The following ADGRL2 variants were observed in gnomAD, a reference collection of about 807,000 sequenced individuals.
ADGRL2 encodes calcium-independent alpha-latrotoxin receptor 2.
A neutral mutation model predicts 157.4 loss-of-function variants in ADGRL2; 44 were observed. The observed-to-expected ratio is 0.28, with a 90% confidence interval of 0.22 to 0.36. The LOEUF is 0.36. Among genes scored for constraint, ADGRL2 ranks in the 10% least tolerant of loss-of-function variants. The probability of loss-of-function intolerance (pLI) is 1.00; values close to 1 mark genes in which losing one functional copy is unlikely to be tolerated. For synonymous variants in ADGRL2, 585 were observed against 624.7 expected (o/e 0.94, Z 0.95); for missense variants, 1,510 against 1,768.9 (o/e 0.85, Z 2.63).
intron 2 of ADGRL2, among the ~76,000 whole-genome samples, chr1:81,460,210 A>G (rs2077897421): frequency 6.6e-6 from 1 of 151,404 alleles, no homozygotes; most frequent in Admixed American, 6.6e-5. Context: ...ATGTCCTCCC[A>G]TTTGCCTATT....
At chr1:81,678,184 TCTCTA>T (rs1026082243) in intron 3 of ADGRL2, among the ~76,000 whole-genome samples, 40 of 152,310 alleles carry the variant, frequency 2.6e-4, no homozygotes, top group African/African-American at 9.1e-4. Flanking sequence ...TACATGTCTG[TCTCTA>T]CTCTGATCTC....
chr1:81,348,180 C>T (rs571465591), intron 1 of ADGRL2, among the ~76,000 whole-genome samples: 5 of 152,166 alleles, frequency 3.3e-5, no homozygotes, highest in African/African-American at 1.2e-4. Flanking sequence ...AGCATCACAT[C>T]GAAGAGGATT....
At chr1:81,581,874 GCACACA>G (rs869309464) in intron 3 of ADGRL2, among the ~76,000 whole-genome samples, 7,896 of 83,494 alleles carry the variant, frequency 0.095, 290 homozygotes, top group African/African-American at 0.12. Context: ...ACACATGCGC[GCACACA>G]CACACACACA....
chr1:81,664,255 A>T (rs2082712344), intron 3 of ADGRL2, among the ~76,000 whole-genome samples: 1 of 152,186 alleles, frequency 6.6e-6, no homozygotes, highest in Admixed American at 6.6e-5. Flanking sequence ...CATACATCTC[A>T]GACATCTAGA....
At chr1:81,510,300 A>T (rs930600465) in intron 2 of ADGRL2, among the ~76,000 whole-genome samples, 33 of 152,226 alleles carry the variant, frequency 2.2e-4, no homozygotes, top group Admixed American at 3.9e-4. Context: ...CAAATTTGAC[A>T]GGAACATGCA....
intron 2 of ADGRL2, among the ~76,000 whole-genome samples, chr1:81,869,963 C>T (rs2093649626): frequency 6.6e-6 from 1 of 151,850 alleles, no homozygotes; most frequent in Non-Finnish European, 1.5e-5. Flanking sequence ...AACAGTAGTG[C>T]TATATATCAT....
intron 2 of ADGRL2, among the ~76,000 whole-genome samples, chr1:81,533,557 A>T (rs1230380473): frequency 6.6e-6 from 1 of 152,198 alleles, no homozygotes; most frequent in African/African-American, 2.4e-5. Flanking sequence ...TAAAGTCTGC[A>T]GGCTTCTTTT....
chr1:81,531,395 T>A (rs2079595756), intron 2 of ADGRL2, among the ~76,000 whole-genome samples: 2 of 152,210 alleles, frequency 1.3e-5, no homozygotes, highest in Non-Finnish European at 2.9e-5. Flanking sequence ...ATTCTGAGAA[T>A]TAGAAGTTTC....
At chr1:81,644,554 C>T (rs571358177) in intron 3 of ADGRL2, among the ~76,000 whole-genome samples, 1 of 152,150 alleles carries the variant, frequency 6.6e-6, no homozygotes, top group Admixed American at 6.5e-5. Context: ...AAAAATGGGC[C>T]AAAGACCTTA....
chr1:81,589,375 G>A (rs2081088115), intron 3 of ADGRL2, among the ~76,000 whole-genome samples: 1 of 152,134 alleles, frequency 6.6e-6, no homozygotes, highest in South Asian at 2.1e-4. Flanking sequence ...CCTGGGACAA[G>A]ATCATGACTC....
intron 2 of ADGRL2, chr1:81,557,494 A>AAGG (rs2080327737): frequency 1.3e-5 from 1 of 75,820 alleles, no homozygotes; most frequent in African/African-American, 7.2e-5. Context: ...AGAAAGAAAG[A>AAGG]AAGAAAGAAA....
At chr1:81,989,256 G>A (rs1664061926) in intron 23 of ADGRL2, among the ~76,000 whole-genome samples, 1 of 152,128 alleles carries the variant, frequency 6.6e-6, no homozygotes, top group African/African-American at 2.4e-5. Context: ...AGCCAAGGCT[G>A]CCACCCTTCT....
At chr1:81,863,626 A>G (rs1045362372) in intron 2 of ADGRL2, among the ~76,000 whole-genome samples, 1 of 152,144 alleles carries the variant, frequency 6.6e-6, no homozygotes, top group Non-Finnish European at 1.5e-5. Flanking sequence ...TCTTGCTGCT[A>G]TTTAAATTTG....
intron 3 of ADGRL2, among the ~76,000 whole-genome samples, chr1:81,624,184 C>T (rs902580815): frequency 1.3e-5 from 2 of 152,142 alleles, no homozygotes; most frequent in African/African-American, 4.8e-5. Flanking sequence ...TGAGAGAATA[C>T]ATTTCTGTTG....
chr1:81,932,133 T>C (rs2095242341), intron 3 of ADGRL2, among the ~76,000 whole-genome samples: 2 of 152,228 alleles, frequency 1.3e-5, no homozygotes, highest in Admixed American at 6.5e-5. Flanking sequence ...ATTTTTCTGT[T>C]ATTTTTAATG....
At position 81,527,573 on chromosome 1, in the gene ADGRL2, G is replaced by A. The variant is rs539210650; in HGVS notation, c.-247-53303G>A. On this transcript the variant is annotated intron_variant, in intron 2 of 24. Coordinates refer to the ADGRL2 transcript ENST00000370721. ...CTAAAAATACAAAAATTAGCTGGGC[G>A]TGGTGGCAGTCGCCTGTAATCCCAG... Among the ~76,000 whole-genome samples the A allele has an allele frequency of 9.2e-5, 14 of 152,208 alleles. No homozygotes were observed. In the South Asian group the frequency reaches 1.0e-3, roughly 11 times the overall value.
Position 81,943,826 on chromosome 1 carries a change from T to A in ADGRL2, c.1210+57T>A. The A allele has an allele frequency of 7.4e-7, 1 of 1,358,974 alleles. No individual in the cohort carries two copies. 84.2% of individuals were successfully genotyped at this position (1,358,974 alleles called of 1,614,324 possible). ...ATTTTGTGAAAAGCATTTTTCTTTT[T>A]AAAGACTTCTTAATTTTTTTTTCCT... is the stretch of plus-strand genomic sequence containing the variant. On this transcript the variant is annotated intron_variant, in intron 6 of 23. Transcript: ENST00000686636. This position sits in a 1 kb window ranked among gnomAD's most constrained non-coding sequence, Gnocchi z 5.6.
At chr1:81,771,111 A>G (rs1294546062) in intron 2 of ADGRL2, among the ~76,000 whole-genome samples, 1 of 152,174 alleles carries the variant, frequency 6.6e-6, no homozygotes, top group Non-Finnish European at 1.5e-5. Context: ...TGATTATGGA[A>G]AACTTTGTGT....
intron 1 of ADGRL2, among the ~76,000 whole-genome samples, chr1:81,700,595 G>A (rs562756680): frequency 3.3e-5 from 5 of 152,186 alleles, no homozygotes; most frequent in East Asian, 1.9e-4. Context: ...AATCAAGTGC[G>A]TGGTGTCATA....
Sources: gnomAD v4.1 joint callset for allele counts (sites outside exome capture counted in the v4.1 genomes callset) on GRCh38, gnomAD v4.1.1 for gene constraint, Gnocchi (gnomAD v3.1) non-coding constraint, MANE v1.5 for transcripts, NCBI Gene and HGNC (gene_info 2026-07-23, HGNC 2026-07-21) for gene names.